MIR2052HG: variants seen among roughly 807,000 people sequenced by gnomAD.
MIR2052HG encodes MIR2052 host gene.
intron 2 of MIR2052HG, among the ~76,000 whole-genome samples, chr8:74,680,780 A>G (rs1325019033): frequency 6.6e-6 from 1 of 151,974 alleles, no homozygotes; most frequent in Admixed American, 6.6e-5. Flanking sequence ...TTATTGCGGC[A>G]TTATTCACAA....
intron 2 of MIR2052HG, among the ~76,000 whole-genome samples, chr8:74,665,506 C>G (rs114173937): frequency 0.013 from 1,936 of 152,246 alleles, 31 homozygotes; most frequent in African/African-American, 0.045. Context: ...GCTTCTATCT[C>G]CTGCAATATA....
intron 2 of MIR2052HG, among the ~76,000 whole-genome samples, chr8:74,624,433 G>T (rs960034549): frequency 2.0e-5 from 3 of 152,192 alleles, no homozygotes; most frequent in Non-Finnish European, 2.9e-5. Context: ...GAACCTGTCT[G>T]TTATTGAAAT....
intron 4 of MIR2052HG, among the ~76,000 whole-genome samples, chr8:74,744,456 C>T (rs941975289): frequency 6.6e-6 from 1 of 151,926 alleles, no homozygotes; most frequent in African/African-American, 2.4e-5. Context: ...GGTATATCTC[C>T]CAATGCTATC....
At position 74,602,865 on chromosome 8, in the gene MIR2052HG, C is replaced by CTTTCTTTCTTTCTTTCTTTCTTTCT. The variant is rs879678607; in HGVS notation, n.128+2968_128+2969insCTTTCTTTCTTTCTTTTCTTTCTTT. 6.7e-4 allele frequency among the ~76,000 whole-genome samples: 96 copies of CTTTCTTTCTTTCTTTCTTTCTTTCT among 142,758 alleles called. 1 individual carries two copies. Among genetic ancestry groups the CTTTCTTTCTTTCTTTCTTTCTTTCT allele is most frequent in the African/African-American group, 2.4e-3 (92 of 38,306 alleles). The allele number at this position is 142,758 out of a possible 152,430, so 93.7% of individuals were successfully genotyped here. On this transcript the variant is annotated intron_variant and non_coding_transcript_variant, in intron 1 of 6. Transcript: ENST00000523442. ...TCTTTCTTTCTTTCTTTCTTTCTTT[C>CTTTCTTTCTTTCTTTCTTTCTTTCT]TTTCTTTCTTTTTTCTATTCACAAA...
chr8:74,666,961 G>T (rs1360791569), intron 2 of MIR2052HG, among the ~76,000 whole-genome samples: 2 of 152,148 alleles, frequency 1.3e-5, no homozygotes, highest in Non-Finnish European at 2.9e-5. Context: ...AGACAGCTGG[G>T]CATCTCTTTT....
chr8:74,714,074 G>C (rs532379258), intron 4 of MIR2052HG, among the ~76,000 whole-genome samples: 22 of 152,172 alleles, frequency 1.4e-4, no homozygotes, highest in African/African-American at 5.1e-4. Flanking sequence ...TTTCTATCAT[G>C]TTCTCAAATT....
chr8:74,698,830 G>A (rs77782346), intron 2 of MIR2052HG, among the ~76,000 whole-genome samples: 2,476 of 152,112 alleles, frequency 0.016, 71 homozygotes, highest in African/African-American at 0.057. Context: ...CAATAGGTGC[G>A]GCAAAGCACC....
intron 2 of MIR2052HG, among the ~76,000 whole-genome samples, chr8:74,658,825 C>G (rs1461142609): frequency 1.3e-5 from 2 of 152,122 alleles, no homozygotes; most frequent in Admixed American, 6.5e-5. Flanking sequence ...TGTAAAGCAT[C>G]TTATTTTATT....
At chr8:74,629,826 A>C (rs1808484115) in intron 2 of MIR2052HG, among the ~76,000 whole-genome samples, 1 of 152,160 alleles carries the variant, frequency 6.6e-6, no homozygotes, top group South Asian at 2.1e-4. Flanking sequence ...TTTCCCCAGC[A>C]ACATCCTTAG....
chr8:74,690,941 A>G (rs947868007), intron 2 of MIR2052HG, among the ~76,000 whole-genome samples: 10 of 152,290 alleles, frequency 6.6e-5, no homozygotes, highest in Non-Finnish European at 1.0e-4. Context: ...TCTTAAAGTT[A>G]TGTATGACGT....
At chr8:74,727,907 T>C (rs1809653221) in intron 4 of MIR2052HG, among the ~76,000 whole-genome samples, 1 of 150,776 alleles carries the variant, frequency 6.6e-6, no homozygotes, top group Non-Finnish European at 1.5e-5. Flanking sequence ...CGTCTTGCCT[T>C]TGTTGTACCC....
At chr8:74,658,566 A>T (rs1808830738) in intron 2 of MIR2052HG, among the ~76,000 whole-genome samples, 1 of 151,874 alleles carries the variant, frequency 6.6e-6, no homozygotes, top group Non-Finnish European at 1.5e-5. Context: ...TTGTATTTTT[A>T]GTAGAAATGA....
chr8:74,628,730 T>G (rs1808469610), intron 2 of MIR2052HG: 1 of 152,176 alleles, frequency 6.6e-6, no homozygotes, highest in African/African-American at 2.4e-5. Flanking sequence ...AAGAAGGTGC[T>G]TAATAGAGTT....
intron 2 of MIR2052HG, among the ~76,000 whole-genome samples, chr8:74,624,055 A>G (rs1808402780): frequency 6.6e-6 from 1 of 152,220 alleles, no homozygotes; most frequent in Non-Finnish European, 1.5e-5. Context: ...GGCATGACCA[A>G]AAAGAGCCAG....
chr8:74,718,679 G>A (rs1380223313), intron 4 of MIR2052HG, among the ~76,000 whole-genome samples: 1 of 152,174 alleles, frequency 6.6e-6, no homozygotes, highest in Admixed American at 6.5e-5. Context: ...AGTTCTGGAG[G>A]CTGCAAGTCC....
chr8:74,721,241 T>C (rs1249959519), intron 4 of MIR2052HG, among the ~76,000 whole-genome samples: 4 of 152,146 alleles, frequency 2.6e-5, no homozygotes, highest in African/African-American at 9.7e-5. Flanking sequence ...AGATGAGCAC[T>C]TCATTTCTTT....
chr8:74,677,521 A>G (rs1162967073), intron 2 of MIR2052HG, among the ~76,000 whole-genome samples: 1 of 152,116 alleles, frequency 6.6e-6, no homozygotes, highest in African/African-American at 2.4e-5. Flanking sequence ...GGGAAATTAG[A>G]TTAGAAGTAA....
intron 5 of MIR2052HG, among the ~76,000 whole-genome samples, chr8:74,756,188 A>C (rs1036978538): frequency 1.3e-5 from 2 of 152,246 alleles, no homozygotes; most frequent in African/African-American, 4.8e-5. Flanking sequence ...CAGGAGTGCT[A>C]GCTAAATATG....
exon 5 of MIR2052HG, chr8:74,752,470 C>T (rs1809957973): frequency 2.2e-6 from 1 of 455,876 alleles, no homozygotes; most frequent in East Asian, 7.0e-5. Context: ...ACCAGATCAA[C>T]ACATTCTCCA....
Sources: allele counts gnomAD v4.1 joint callset (sites outside exome capture counted in the v4.1 genomes callset), GRCh38; gene constraint gnomAD v4.1.1; transcripts MANE v1.5; gene names NCBI Gene and HGNC (gene_info 2026-07-23, HGNC 2026-07-21).